Variants in DIPK1A observed in about 807,000 individuals in gnomAD.
DIPK1A encodes the protein divergent protein kinase domain 1A.
DIPK1A carries 27 observed loss-of-function variants against 40.8 expected under a neutral mutation model. That is an observed-to-expected ratio of 0.66 (90% CI 0.49 to 0.91). DIPK1A has a LOEUF of 0.91. Ranked by LOEUF, DIPK1A falls within the 40% of genes least tolerant of loss-of-function variation. The pLI is 0.00. For missense variants in DIPK1A, 412 were observed against 505.7 expected, an observed-to-expected ratio of 0.81 and a Z score of 1.78; for synonymous variants, 166 against 171.3, an observed-to-expected ratio of 0.97 and a Z score of 0.24.
chr1:92,835,658 C>CT (rs1687090568), intron 4 of DIPK1A, among the ~76,000 whole-genome samples: 1 of 48,902 alleles, frequency 2.0e-5, no homozygotes, highest in African/African-American at 7.5e-5. Context: ...GAAACTGTGT[C>CT]TCAAAAAAAA....
At chr1:92,903,316 G>A (rs1339610638) in intron 1 of DIPK1A, among the ~76,000 whole-genome samples, 1 of 152,174 alleles carries the variant, frequency 6.6e-6, no homozygotes, top group Admixed American at 6.5e-5. Flanking sequence ...AAAGTGCTGG[G>A]ATTACAGGGG....
chr1:92,908,758 T>C (rs1181175749), intron 1 of DIPK1A, among the ~76,000 whole-genome samples: 1 of 152,082 alleles, frequency 6.6e-6, no homozygotes, highest in African/African-American at 2.4e-5. Context: ...AGCACAAAGG[T>C]TCCTGAGAGG....
At chr1:92,916,475 G>A (rs1427836217) in intron 1 of DIPK1A, among the ~76,000 whole-genome samples, 1 of 151,714 alleles carries the variant, frequency 6.6e-6, no homozygotes, top group African/African-American at 2.4e-5. Context: ...CTAATTTTCA[G>A]ATGTTTAGTA....
rs761310681 is a variant in DIPK1A, at chr1:92,834,874, T to C, written c.475-1840A>G. The C allele has an allele frequency of 3.1e-6, 5 of 1,604,558 alleles. No homozygotes were observed. In the African/African-American group the frequency reaches 4.0e-5, roughly 13 times the overall value. On this transcript the variant is annotated intron_variant, in intron 4 of 4. Transcript: ENST00000615519. ...GTGTGAAGGTTGGCCTGACAAATTA[T>C]GCTGCAGCATATTGTACTGGCCTGC...
intron 1 of DIPK1A, among the ~76,000 whole-genome samples, chr1:92,955,244 T>C (rs1651801036): frequency 6.6e-6 from 1 of 152,202 alleles, no homozygotes; most frequent in African/African-American, 2.4e-5. Flanking sequence ...CTACACTCTA[T>C]ACAATAATGA....
chr1:92,883,928 C>A (rs1648489086), intron 1 of DIPK1A, among the ~76,000 whole-genome samples: 1 of 152,158 alleles, frequency 6.6e-6, no homozygotes, highest in African/African-American at 2.4e-5. Context: ...CTGGGGACAT[C>A]TCAACCAGAA....
At chr1:92,897,806 G>C (rs975961276) in intron 1 of DIPK1A, among the ~76,000 whole-genome samples, 6 of 150,996 alleles carry the variant, frequency 4.0e-5, no homozygotes, top group African/African-American at 9.8e-5. Flanking sequence ...CACTATAAAG[G>C]AATACCTGAG....
At chr1:92,840,443 A>G (rs1371937691), downstream of DIPK1A, 1 of 809,700 alleles carries the variant, frequency 1.2e-6, no homozygotes, top group African/African-American at 1.7e-5. Context: ...GATTTAGTTT[A>G]GTTCCTTTTG....
chr1:92,891,635 G>A (rs185498214), intron 1 of DIPK1A, among the ~76,000 whole-genome samples: 24 of 152,214 alleles, frequency 1.6e-4, no homozygotes, highest in African/African-American at 2.9e-4. Context: ...TGGGTTCATC[G>A]CACTGGGGAT....
chr1:92,897,515 C>G (rs1416243058), intron 1 of DIPK1A, among the ~76,000 whole-genome samples: 2 of 143,898 alleles, frequency 1.4e-5, no homozygotes, highest in Admixed American at 7.0e-5. Context: ...GTGGGGTGGG[C>G]GGAGGGGGGA....
intron 2 of DIPK1A, among the ~76,000 whole-genome samples, chr1:92,856,005 A>T (rs1396929165): frequency 6.6e-6 from 1 of 152,142 alleles, no homozygotes; most frequent in Non-Finnish European, 1.5e-5. Flanking sequence ...TGAGCCCTGG[A>T]GGTCAAGGCT....
chr1:92,843,737 C>T lies in DIPK1A; in HGVS notation c.933G>A (p.Val311=), dbSNP rs1372325079. The T allele has an allele frequency of 6.4e-7, 1 of 1,551,556 alleles. No homozygotes were observed. The highest frequency in any genetic ancestry group is 1.4e-5 in the African/African-American group (1 of 73,002). Residue 311 remains valine, a synonymous_variant, in exon 5 of 5, where the codon GTG becomes GTA. Coordinates refer to ENST00000370310, the MANE Select transcript of DIPK1A (RefSeq NM_001006605.5). The part of the protein sequence containing the change: ...GYNDKYDLKM[V]DMRKIVPETN... ...TCTCTGGCACAATTTTTCTCATATC[C>T]ACCATTTTCAAATCATACTTATCAT...
intron 1 of DIPK1A, among the ~76,000 whole-genome samples, chr1:92,897,035 G>A (rs1414710408): frequency 2.0e-5 from 3 of 151,686 alleles, no homozygotes; most frequent in Non-Finnish European, 4.4e-5. Flanking sequence ...GGAGAAATAG[G>A]AACACTTTTA....
chr1:92,836,423 G>A (rs1687129414), intron 4 of DIPK1A: 1 of 1,593,960 alleles, frequency 6.3e-7, no homozygotes, highest in Non-Finnish European at 8.6e-7. Context: ...CTTGGTGCCT[G>A]GACCGTGGTA....
intron 1 of DIPK1A, among the ~76,000 whole-genome samples, chr1:92,940,027 T>C (rs1015967009): frequency 6.6e-6 from 1 of 152,192 alleles, no homozygotes; most frequent in East Asian, 1.9e-4. Context: ...TACCTGTATA[T>C]TAAGCTGGCT....
intron 2 of DIPK1A, among the ~76,000 whole-genome samples, chr1:92,862,856 C>T (rs1647342969): frequency 6.6e-6 from 1 of 152,178 alleles, no homozygotes; most frequent in Non-Finnish European, 1.5e-5. Context: ...TGTAGCTTTG[C>T]ACATGCCTCC....
intron 1 of DIPK1A, among the ~76,000 whole-genome samples, chr1:92,899,014 C>T (rs1024139958): frequency 4.6e-5 from 7 of 152,194 alleles, no homozygotes; most frequent in African/African-American, 1.7e-4. Flanking sequence ...AATATCCTCC[C>T]ATGTCAGCCT....
At chr1:92,899,244 A>G (rs1022857471) in intron 1 of DIPK1A, among the ~76,000 whole-genome samples, 6 of 152,302 alleles carry the variant, frequency 3.9e-5, no homozygotes, top group Admixed American at 3.3e-4. Flanking sequence ...GGGTTCATAT[A>G]TATTTATAAT....
At chr1:92,888,335 A>C (rs1427336161) in intron 1 of DIPK1A, among the ~76,000 whole-genome samples, 1 of 152,132 alleles carries the variant, frequency 6.6e-6, no homozygotes, top group Non-Finnish European at 1.5e-5. Context: ...ATGTCCCCCA[A>C]GCTCATCCAT....
Sources: allele counts gnomAD v4.1 joint callset (sites outside exome capture counted in the v4.1 genomes callset), GRCh38; gene constraint gnomAD v4.1.1; transcripts MANE v1.5; gene names NCBI Gene and HGNC (gene_info 2026-07-23, HGNC 2026-07-21).